Variants in DOK6 observed in about 807,000 individuals in gnomAD.
The protein encoded by DOK6 is docking protein 6.
A neutral mutation model predicts 44.0 loss-of-function variants in DOK6; 22 were observed. That is an observed-to-expected ratio of 0.50 (90% confidence interval 0.36 to 0.71). DOK6 has a LOEUF of 0.71. Ranked by LOEUF, DOK6 falls within the 30% of genes least tolerant of loss-of-function variation. The pLI is 0.00. For missense variants in DOK6, 340 were observed against 416.4 expected (o/e 0.82, Z 1.60); for synonymous variants, 166 against 145.5 (o/e 1.14, Z -1.01).
chr18:69,780,867 G>A (rs558994637), intron 7 of DOK6, among the ~76,000 whole-genome samples: 5 of 152,088 alleles, frequency 3.3e-5, no homozygotes, highest in South Asian at 2.1e-4. Flanking sequence ...CTGTGTTTCC[G>A]TTCTCTTTGT....
intron 1 of DOK6, among the ~76,000 whole-genome samples, chr18:69,550,777 C>CTTTTTT (rs10538639): frequency 4.9e-4 from 60 of 121,418 alleles, no homozygotes; most frequent in African/African-American, 1.6e-3. Context: ...TTGTTTCTTT[C>CTTTTTT]TTTTTTTTTT....
At position 69,847,367 on chromosome 18, in the gene DOK6, C is replaced by T. The variant is rs1982368242; in HGVS notation, c.*5984C>T. The T allele has an allele frequency of 6.6e-6, 1 of 152,222 alleles. No homozygotes were observed. The highest frequency in any genetic ancestry group is 2.1e-4 in the South Asian group (1 of 4,828). 9.4% of individuals were successfully genotyped at this position (152,222 alleles called of 1,614,324 possible). On this transcript the variant is annotated 3_prime_UTR_variant, in exon 8 of 8. Coordinates refer to ENST00000382713, the MANE Select transcript of DOK6 (RefSeq NM_152721.6). ...TCGAATGGAGCAAGGTCTACACTCTCAGCCTGTAGCTGTGCTAATGTTAGG... is the reference window on the plus strand; with the variant it reads ...TCGAATGGAGCAAGGTCTACACTCTTAGCCTGTAGCTGTGCTAATGTTAGG...
chr18:69,514,832 C>CAT (rs140643584), intron 1 of DOK6, among the ~76,000 whole-genome samples: 13 of 91,412 alleles, frequency 1.4e-4, no homozygotes, highest in South Asian at 3.6e-4. Context: ...TAAAGCTCTC[C>CAT]ATATATATTT....
chr18:69,704,524 G>T (rs954728471), intron 5 of DOK6, among the ~76,000 whole-genome samples: 1 of 136,660 alleles, frequency 7.3e-6, no homozygotes. Context: ...TGTCGCCCAG[G>T]CTGGAGTGCA....
intron 1 of DOK6, among the ~76,000 whole-genome samples, chr18:69,424,119 AT>A (rs773283602): frequency 1.3e-5 from 2 of 152,192 alleles, no homozygotes; most frequent in Non-Finnish European, 2.9e-5. Flanking sequence ...CTTTGTATAA[AT>A]ACCTACAATT....
At chr18:69,620,476 A>G (rs1167466839) in intron 3 of DOK6, among the ~76,000 whole-genome samples, 3 of 152,164 alleles carry the variant, frequency 2.0e-5, no homozygotes, top group Non-Finnish European at 4.4e-5. Context: ...GAATTATATC[A>G]ATATGAACAC....
chr18:69,501,119 TA>T (rs1981038314), intron 1 of DOK6, among the ~76,000 whole-genome samples: 1 of 152,150 alleles, frequency 6.6e-6, no homozygotes, highest in Non-Finnish European at 1.5e-5. Context: ...CATTCTCATA[TA>T]ATACCTAAAA....
chr18:69,437,573 C>T (rs1273095415), intron 1 of DOK6, among the ~76,000 whole-genome samples: 3 of 152,092 alleles, frequency 2.0e-5, no homozygotes, highest in Non-Finnish European at 4.4e-5. Context: ...GTTACTGTAG[C>T]CTTGTAGTAT....
rs961312643 is a variant in DOK6 at position 69,840,972 on chromosome 18, A to G, written c.857-272A>G. Among the ~76,000 whole-genome samples the G allele has an allele frequency of 2.6e-5, 4 of 152,236 alleles. No homozygotes were observed. In the East Asian group the frequency reaches 5.8e-4, roughly 22 times the overall value. On this transcript the variant is annotated intron_variant, in intron 7 of 7. Coordinates refer to ENST00000382713, the MANE Select transcript of DOK6 (RefSeq NM_152721.6). ...AAGTTTCAGATTCCCTAGAAAATCT[A>G]CCTAGCTCTCTGGCATCCAGAATTT...
chr18:69,712,516 C>T (rs1216086202), intron 5 of DOK6, among the ~76,000 whole-genome samples: 2 of 152,006 alleles, frequency 1.3e-5, no homozygotes, highest in African/African-American at 4.8e-5. Flanking sequence ...ATATAATCCA[C>T]CAAACTCTCT....
intron 3 of DOK6, among the ~76,000 whole-genome samples, chr18:69,614,889 C>G (rs1035008607): frequency 6.6e-6 from 1 of 151,634 alleles, no homozygotes; most frequent in African/African-American, 2.4e-5. Flanking sequence ...TTACCTTATT[C>G]GGAAATCCTT....
chr18:69,682,765 A>G (rs1178118092), intron 4 of DOK6, among the ~76,000 whole-genome samples: 1 of 152,246 alleles, frequency 6.6e-6, no homozygotes, highest in Non-Finnish European at 1.5e-5. Flanking sequence ...CTCAGGTATA[A>G]TAAAAAATAT....
At chr18:69,828,508 A>T (rs1163663688) in intron 7 of DOK6, among the ~76,000 whole-genome samples, 1 of 151,826 alleles carries the variant, frequency 6.6e-6, no homozygotes, top group Non-Finnish European at 1.5e-5. Context: ...AAGCAACAGA[A>T]ACAAATGAAT....
chr18:69,509,482 G>GA (rs1475637734), intron 1 of DOK6, among the ~76,000 whole-genome samples: 2 of 151,546 alleles, frequency 1.3e-5, no homozygotes, highest in Admixed American at 6.6e-5. Flanking sequence ...CTAAAAAATA[G>GA]AAAAAATTAG....
intron 1 of DOK6, among the ~76,000 whole-genome samples, chr18:69,522,893 C>G (rs550083701): frequency 6.6e-6 from 1 of 152,174 alleles, no homozygotes; most frequent in African/African-American, 2.4e-5. Context: ...TTGCTTCTTT[C>G]TTACGAGGGT....
At chr18:69,561,371 C>A (rs1467957186) in intron 1 of DOK6, among the ~76,000 whole-genome samples, 1 of 152,098 alleles carries the variant, frequency 6.6e-6, no homozygotes, top group Non-Finnish European at 1.5e-5. Context: ...GTAATTACTT[C>A]ATTTAAGTTC....
At chr18:69,606,757 ATT>A (rs71176989) in intron 3 of DOK6, among the ~76,000 whole-genome samples, 42,538 of 115,054 alleles carry the variant, frequency 0.37, 7,527 homozygotes, top group Non-Finnish European at 0.46. Flanking sequence ...TTCAAAAAGG[ATT>A]TTTTTTTTTT....
intron 1 of DOK6, among the ~76,000 whole-genome samples, chr18:69,474,264 C>T (rs1023927424): frequency 2.0e-5 from 3 of 152,060 alleles, no homozygotes; most frequent in Non-Finnish European, 4.4e-5. Flanking sequence ...CTCCATCCCC[C>T]TTCCATTCTT....
intron 2 of DOK6, among the ~76,000 whole-genome samples, chr18:69,593,781 T>G (rs563148545): frequency 7.9e-5 from 12 of 152,324 alleles, no homozygotes; most frequent in African/African-American, 2.9e-4. Context: ...AGTAAAAACC[T>G]TTGGAAAAGG....
Sources: allele counts gnomAD v4.1 joint callset (sites outside exome capture counted in the v4.1 genomes callset), GRCh38; gene constraint gnomAD v4.1.1; transcripts MANE v1.5; gene names NCBI Gene and HGNC (gene_info 2026-07-23, HGNC 2026-07-21).